B3GALT1: variants seen among roughly 807,000 people sequenced by gnomAD.
The protein encoded by B3GALT1 is beta-1,3-galactosyltransferase 1, also known as UDP-Gal:betaGlcNAc beta 1,3-galactosyltransferase, polypeptide 1.
B3GALT1 carries 10 observed loss-of-function variants against 23.2 expected under a neutral mutation model. The observed-to-expected ratio is 0.43, with a 90% CI of 0.27 to 0.73. B3GALT1 has a LOEUF of 0.73. B3GALT1 is among the 30% of genes least tolerant of loss of function. The pLI is 0.21. For missense variants in B3GALT1, 299 were observed against 405.4 expected (o/e 0.74, Z 2.25); for synonymous variants, 156 against 141.5 (o/e 1.10, Z -0.73).
intron 1 of B3GALT1, among the ~76,000 whole-genome samples, chr2:167,375,850 T>G (rs1352340324): frequency 6.6e-6 from 1 of 152,202 alleles, no homozygotes; most frequent in Non-Finnish European, 1.5e-5. Flanking sequence ...TGGCTAGTGC[T>G]TCCAGTACTG....
intron 3 of B3GALT1, chr2:167,716,087 T>G: frequency 1.3e-6 from 2 of 1,549,506 alleles, no homozygotes; most frequent in Non-Finnish European, 1.8e-6. Flanking sequence ...GCTCTGGCGG[T>G]CACCGCAGTT....
At chr2:167,373,952 G>A (rs527377160) in intron 1 of B3GALT1, among the ~76,000 whole-genome samples, 11 of 152,230 alleles carry the variant, frequency 7.2e-5, no homozygotes, top group South Asian at 4.1e-4. Context: ...AAATTATCCC[G>A]TCACCCAGAT....
In B3GALT1 at chr2:167,664,043, A is replaced by G. The variant is rs1487062250; in HGVS notation, c.-352+17077A>G. On this transcript the variant is annotated intron_variant, in intron 3 of 4. Transcript: ENST00000392690. ...AGACATGAAGTCCTTGCCCATGCCT[A>G]TGTCCTGAATGGTAATGCCTAGGTT... Among the ~76,000 whole-genome samples, 5 of 150,888 alleles carry G rather than the reference A, an allele frequency of 3.3e-5. No individual in the cohort carries two copies. In the East Asian group the frequency reaches 9.7e-4, roughly 29 times the overall value.
chr2:167,527,883 G>A (rs557253605), intron 2 of B3GALT1, among the ~76,000 whole-genome samples: 2 of 152,126 alleles, frequency 1.3e-5, no homozygotes, highest in African/African-American at 4.8e-5. Flanking sequence ...GAATATTAAA[G>A]TTATTTGTTT....
chr2:167,664,547 T>C (rs1686136205), intron 3 of B3GALT1, among the ~76,000 whole-genome samples: 2 of 150,666 alleles, frequency 1.3e-5, no homozygotes, highest in Non-Finnish European at 2.9e-5. Flanking sequence ...GTGAATTACC[T>C]TGGGCAGTAT....
chr2:167,834,583 A>G (rs1283690644), intron 4 of B3GALT1, among the ~76,000 whole-genome samples: 1 of 152,144 alleles, frequency 6.6e-6, no homozygotes, highest in Non-Finnish European at 1.5e-5. Flanking sequence ...AAGATATAGT[A>G]ATAAAGTTTC....
At chr2:167,552,246 C>G (rs1683762053) in intron 2 of B3GALT1, among the ~76,000 whole-genome samples, 1 of 152,124 alleles carries the variant, frequency 6.6e-6, no homozygotes, top group Admixed American at 6.6e-5. Flanking sequence ...CCAATGATTC[C>G]TTGACTATAT....
At chr2:167,630,454 G>T (rs920305980) in intron 2 of B3GALT1, among the ~76,000 whole-genome samples, 2 of 151,698 alleles carry the variant, frequency 1.3e-5, no homozygotes, top group African/African-American at 4.8e-5. Flanking sequence ...GAAATAATTG[G>T]AGACATTTTG....
intron 1 of B3GALT1, among the ~76,000 whole-genome samples, chr2:167,368,986 G>A (rs1697635236): frequency 6.6e-6 from 1 of 151,788 alleles, no homozygotes; most frequent in Non-Finnish European, 1.5e-5. Context: ...TAAGGAATTA[G>A]CTTGACAGTT....
At chr2:167,498,441 A>G (rs1410576403) in intron 2 of B3GALT1, among the ~76,000 whole-genome samples, 1 of 152,162 alleles carries the variant, frequency 6.6e-6, no homozygotes, top group African/African-American at 2.4e-5. Context: ...ATAAAAAGGT[A>G]TGCAAAAATC....
At chr2:167,488,510 C>A (rs1312898453) in intron 1 of B3GALT1, among the ~76,000 whole-genome samples, 1 of 152,214 alleles carries the variant, frequency 6.6e-6, no homozygotes, top group African/African-American at 2.4e-5. Context: ...CTGGTTTTCA[C>A]TGTACAGTTC....
At chr2:167,658,782 A>G (rs1225540712) in intron 3 of B3GALT1, among the ~76,000 whole-genome samples, 1 of 152,126 alleles carries the variant, frequency 6.6e-6, no homozygotes, top group East Asian at 1.9e-4. Context: ...AACTGATTAT[A>G]GTGTACAATA....
intron 2 of B3GALT1, among the ~76,000 whole-genome samples, chr2:167,505,809 C>T (rs1699908934): frequency 6.6e-6 from 1 of 152,150 alleles, no homozygotes; most frequent in African/African-American, 2.4e-5. Flanking sequence ...CCTGTAATCC[C>T]AGCACTTTGG....
At chr2:167,307,073 A>T (rs964303611) in intron 1 of B3GALT1, among the ~76,000 whole-genome samples, 1 of 152,014 alleles carries the variant, frequency 6.6e-6, no homozygotes, top group East Asian at 1.9e-4. Context: ...AATTAATAAG[A>T]TAGCAAAAAT....
intron 3 of B3GALT1, among the ~76,000 whole-genome samples, chr2:167,777,729 TACA>T (rs1163853622): frequency 6.6e-6 from 1 of 152,238 alleles, no homozygotes; most frequent in Non-Finnish European, 1.5e-5. Context: ...GTTTCTCAAT[TACA>T]ACGTGACATA....
chr2:167,700,425 C>G (rs13013265), intron 3 of B3GALT1, among the ~76,000 whole-genome samples: 32,866 of 151,924 alleles, frequency 0.22, 4,219 homozygotes, highest in Admixed American at 0.29. Flanking sequence ...CATTGAAAAA[C>G]AAAAGGATAT....
At chr2:167,448,270 T>C (rs982198333) in intron 1 of B3GALT1, among the ~76,000 whole-genome samples, 1 of 152,200 alleles carries the variant, frequency 6.6e-6, no homozygotes, top group African/African-American at 2.4e-5. Flanking sequence ...TTTCACCACA[T>C]CTATGCCGAC....
chr2:167,704,338 G>T (rs1428328125), intron 3 of B3GALT1, among the ~76,000 whole-genome samples: 1 of 152,020 alleles, frequency 6.6e-6, no homozygotes, highest in Non-Finnish European at 1.5e-5. Context: ...TAAAAATAAT[G>T]CCTGCTTACC....
chr2:167,318,864 A>T (rs1696760447), intron 1 of B3GALT1, among the ~76,000 whole-genome samples: 1 of 152,062 alleles, frequency 6.6e-6, no homozygotes, highest in African/African-American at 2.4e-5. Context: ...CAGCCACAGA[A>T]AGCCAGCTGT....
Sources: allele counts gnomAD v4.1 joint callset (sites outside exome capture counted in the v4.1 genomes callset), GRCh38; gene constraint gnomAD v4.1.1; transcripts MANE v1.5; gene names NCBI Gene and HGNC (gene_info 2026-07-23, HGNC 2026-07-21).